The following LPP variants were observed in gnomAD, a reference collection of about 807,000 sequenced individuals.
LPP encodes lipoma-preferred partner.
In LPP, 38 loss-of-function variants were observed where a neutral mutation model predicts 60.4. That is an observed-to-expected ratio of 0.63 (90% CI 0.49 to 0.83). The LOEUF is 0.83. Among genes scored for constraint, LPP ranks in the 40% least tolerant of loss-of-function variants. LPP has a pLI of 0.00. For missense variants in LPP, 902 were observed against 783.6 expected, an observed-to-expected ratio of 1.15 and a Z score of -1.80; for synonymous variants, 328 against 290.8, an observed-to-expected ratio of 1.13 and a Z score of -1.30.
At chr3:188,443,442 T>G (rs1343924096) in intron 4 of LPP, among the ~76,000 whole-genome samples, 4 of 152,224 alleles carry the variant, frequency 2.6e-5, no homozygotes, top group African/African-American at 9.6e-5. Flanking sequence ...CCTCAGTTTC[T>G]CCATTTATCC....
At chr3:188,547,674 T>G (rs560129819) in intron 6 of LPP, among the ~76,000 whole-genome samples, 155 of 152,326 alleles carry the variant, frequency 1.0e-3, no homozygotes, top group African/African-American at 3.5e-3. Flanking sequence ...GTGAAATGAC[T>G]GCTCTTAATT....
intron 5 of LPP, among the ~76,000 whole-genome samples, chr3:188,490,482 C>T (rs941212268): frequency 6.6e-6 from 1 of 151,116 alleles, no homozygotes; most frequent in Non-Finnish European, 1.5e-5. Flanking sequence ...TGTCTCAGCC[C>T]ACCGAGTAGC....
intron 1 of LPP, chr3:188,178,401 C>T (rs1355255415): frequency 1.3e-5 from 2 of 152,272 alleles, no homozygotes; most frequent in African/African-American, 2.4e-5. Context: ...TGCCCAGGGA[C>T]TACTCTAAGC....
At chr3:188,589,218 A>G (rs778270113) in intron 6 of LPP, among the ~76,000 whole-genome samples, 32 of 152,058 alleles carry the variant, frequency 2.1e-4, no homozygotes, top group African/African-American at 3.9e-4. Flanking sequence ...CATTAAGCCT[A>G]TCACTTCCGG....
rs148206701 is a variant in LPP at position 188,654,392 on chromosome 3, A to C, written c.1113+44548A>C. The stretch of plus-strand genomic sequence containing the variant: ...TAGACAGGGAGATAGAACATTCTGG[A>C]AATTGAATCTGTGTTAAAATGCCTT... On this transcript the variant is annotated intron_variant, in intron 7 of 11. Coordinates refer to ENST00000617246, the MANE Select transcript of LPP (RefSeq NM_001375462.1). 5.9e-3 allele frequency among the ~76,000 whole-genome samples: 895 copies of C among 152,326 alleles called. 8 individuals carry two copies. The highest frequency in any genetic ancestry group is 9.4e-3 in the Non-Finnish European group (637 of 68,030).
chr3:188,442,991 T>C (rs756057438), intron 4 of LPP, among the ~76,000 whole-genome samples: 26 of 152,208 alleles, frequency 1.7e-4, no homozygotes, highest in Non-Finnish European at 2.8e-4. Flanking sequence ...TTGGAGATGA[T>C]AAAAAGCATT....
intron 9 of LPP, among the ~76,000 whole-genome samples, chr3:188,833,837 C>T (rs570609846): frequency 5.9e-5 from 9 of 152,060 alleles, no homozygotes; most frequent in Non-Finnish European, 7.4e-5. Flanking sequence ...ATTCTTTTAA[C>T]GTAAACTATT....
At chr3:188,237,700 T>C (rs1198077486) in intron 2 of LPP, among the ~76,000 whole-genome samples, 2 of 146,874 alleles carry the variant, frequency 1.4e-5, no homozygotes, top group East Asian at 3.9e-4. Context: ...TAGGTAACAG[T>C]GGGCTTAAAA....
intron 2 of LPP, among the ~76,000 whole-genome samples, chr3:188,232,191 T>G (rs1299055702): frequency 6.6e-6 from 1 of 152,184 alleles, no homozygotes; most frequent in Admixed American, 6.5e-5. Flanking sequence ...TAATGGAAAT[T>G]GGAGCCTTAA....
At chr3:188,168,182 A>G (rs193043306) in intron 1 of LPP, among the ~76,000 whole-genome samples, 124 of 152,380 alleles carry the variant, frequency 8.1e-4, no homozygotes, top group African/African-American at 2.8e-3. Context: ...ACATACTATG[A>G]AGAAAAAAAT....
intron 9 of LPP, among the ~76,000 whole-genome samples, chr3:188,841,758 A>G (rs1237488312): frequency 6.6e-6 from 1 of 152,178 alleles, no homozygotes; most frequent in African/African-American, 2.4e-5. Context: ...TTTCTATGTA[A>G]GAAATTGATT....
intron 1 of LPP, among the ~76,000 whole-genome samples, chr3:188,168,761 T>G (rs1720740548): frequency 6.6e-6 from 1 of 152,224 alleles, no homozygotes; most frequent in Non-Finnish European, 1.5e-5. Flanking sequence ...TAAAGTCAAT[T>G]AAGAGCCTCA....
At chr3:188,677,973 A>C (rs935037257) in intron 7 of LPP, among the ~76,000 whole-genome samples, 4 of 152,108 alleles carry the variant, frequency 2.6e-5, no homozygotes, top group African/African-American at 9.7e-5. Context: ...TAGCCCAAAC[A>C]TGGTCCCAGG....
intron 3 of LPP, among the ~76,000 whole-genome samples, chr3:188,356,915 ATTTTACTTTGT>A (rs1358836197): frequency 6.6e-6 from 1 of 152,192 alleles, no homozygotes; most frequent in Admixed American, 6.5e-5. Context: ...AAGAATATGA[ATTTTACTTTGT>A]ACGGCCAAAG....
intron 7 of LPP, among the ~76,000 whole-genome samples, chr3:188,696,603 C>T (rs1260161255): frequency 6.6e-6 from 1 of 152,130 alleles, no homozygotes; most frequent in East Asian, 1.9e-4. Flanking sequence ...CAACAACTCA[C>T]AAAGTAAATT....
At chr3:188,247,053 T>G (rs1727220278) in intron 2 of LPP, 1 of 245,496 alleles carries the variant, frequency 4.1e-6, no homozygotes, top group African/African-American at 2.3e-5. Flanking sequence ...CATGTTTGTG[T>G]GGAGACCTGT....
intron 8 of LPP, among the ~76,000 whole-genome samples, chr3:188,727,548 A>G (rs1276130330): frequency 6.6e-6 from 1 of 152,184 alleles, no homozygotes; most frequent in East Asian, 1.9e-4. Context: ...GTTCTAGACA[A>G]TCCAGTCTAG....
At chr3:188,681,506 T>C (rs141806658) in intron 7 of LPP, among the ~76,000 whole-genome samples, 336 of 152,306 alleles carry the variant, frequency 2.2e-3, no homozygotes, top group African/African-American at 7.8e-3. Flanking sequence ...ACATTGTACC[T>C]AGGGTAAAGA....
intron 7 of LPP, among the ~76,000 whole-genome samples, chr3:188,681,760 G>A (rs764496343): frequency 2.6e-5 from 4 of 152,136 alleles, no homozygotes; most frequent in Admixed American, 1.3e-4. Flanking sequence ...TGACTTTTAC[G>A]CCATTTTTCT....
Sources: allele counts gnomAD v4.1 joint callset (sites outside exome capture counted in the v4.1 genomes callset), GRCh38; gene constraint gnomAD v4.1.1; transcripts MANE v1.5; gene names NCBI Gene and HGNC (gene_info 2026-07-23, HGNC 2026-07-21).